TRHDE: variants seen among roughly 807,000 people sequenced by gnomAD.
TRHDE encodes thyrotropin-releasing hormone-degrading ectoenzyme.
In TRHDE, 72 loss-of-function variants were observed where a neutral mutation model predicts 125.7. The ratio of observed to expected loss-of-function variants is 0.57; its 90% CI spans 0.47 to 0.70. The LOEUF (loss-of-function observed/expected upper bound fraction) is 0.70. Among genes scored for constraint, TRHDE ranks in the 30% least tolerant of loss-of-function variants. TRHDE has a pLI of 0.00. For synonymous variants in TRHDE, 509 were observed against 509.1 expected (o/e 1.00, Z 0.00); for missense variants, 1,110 against 1,327.1 (o/e 0.84, Z 2.54).
At chr12:72,217,230 G>A (rs1465001790) in intron 2 of TRHDE, among the ~76,000 whole-genome samples, 1 of 152,112 alleles carries the variant, frequency 6.6e-6, no homozygotes, top group Admixed American at 6.6e-5. Context: ...GCCTAGTAAT[G>A]AACTTTGATT....
chr12:72,609,160 A>T (rs1872551766), intron 12 of TRHDE, among the ~76,000 whole-genome samples: 1 of 152,228 alleles, frequency 6.6e-6, no homozygotes, highest in Admixed American at 6.5e-5. Context: ...GACTAAAAAC[A>T]TGTACTCAGA....
At chr12:72,515,101 T>G (rs1878783012) in intron 6 of TRHDE, among the ~76,000 whole-genome samples, 1 of 130,482 alleles carries the variant, frequency 7.7e-6, no homozygotes, top group African/African-American at 3.3e-5. Flanking sequence ...TAAACATACG[T>G]GTGCATGTGT....
At chr12:72,152,657 G>A (rs543249196) in intron 2 of TRHDE, among the ~76,000 whole-genome samples, 2 of 152,274 alleles carry the variant, frequency 1.3e-5, no homozygotes, top group African/African-American at 4.8e-5. Flanking sequence ...AGATAATCAC[G>A]TGTTTTTTGT....
Position 72,562,942 on chromosome 12 carries a change from G to T in TRHDE, c.1944G>T (p.Leu648Phe). The stretch of plus-strand genomic sequence containing the variant: ...TGGGTTATCCTGTTATCACCATCTT[G>T]GGAAACACAACAGCAGAAAATAGAA... The part of the protein sequence containing the change: ...LQMGYPVITI[L>F]GNTTAENRII... The change falls in exon 9 of 19, where the codon TTG (leucine) becomes TTT (phenylalanine). Residue 648 changes from leucine to phenylalanine, a missense_variant. By Grantham distance (22) the Leu-to-Phe change is conservative. Transcript: ENST00000261180. 1 of 1,610,524 alleles carries T rather than the reference G, an allele frequency of 6.2e-7. No homozygotes were observed. Among genetic ancestry groups the T allele is most frequent in the Admixed American group, 1.7e-5 (1 of 59,304 alleles).
intron 2 of TRHDE, among the ~76,000 whole-genome samples, chr12:72,294,172 A>G (rs993728481): frequency 1.3e-5 from 2 of 152,108 alleles, no homozygotes; most frequent in African/African-American, 4.8e-5. Flanking sequence ...CTCTTTTCCC[A>G]CAACATGGCA....
chr12:72,393,908 TATATC>T (rs1182747948), intron 3 of TRHDE, among the ~76,000 whole-genome samples: 10 of 152,314 alleles, frequency 6.6e-5, no homozygotes, highest in Non-Finnish European at 1.3e-4. Context: ...TCATGGTTAA[TATATC>T]AATCCAACTC....
At chr12:72,422,961 T>C (rs1347929840) in intron 3 of TRHDE, among the ~76,000 whole-genome samples, 2 of 152,120 alleles carry the variant, frequency 1.3e-5, no homozygotes, top group African/African-American at 4.8e-5. Flanking sequence ...CCAATAAATT[T>C]ATATTCATTA....
At chr12:72,348,384 G>A (rs899957859) in intron 2 of TRHDE, among the ~76,000 whole-genome samples, 1 of 151,922 alleles carries the variant, frequency 6.6e-6, no homozygotes, top group African/African-American at 2.4e-5. Flanking sequence ...CACTGGTGAG[G>A]CAGTTAATCG....
chr12:72,098,143 A>G (rs1167247380), intron 1 of TRHDE, among the ~76,000 whole-genome samples: 2 of 152,074 alleles, frequency 1.3e-5, no homozygotes, highest in Non-Finnish European at 1.5e-5. Flanking sequence ...TCAGCCTTCC[A>G]AAGTGCTAGA....
intron 2 of TRHDE, among the ~76,000 whole-genome samples, chr12:72,148,234 G>C (rs182653059): frequency 7.9e-4 from 121 of 152,290 alleles, no homozygotes; most frequent in Middle Eastern, 3.4e-3. Context: ...TTGCATGAAG[G>C]TGAGACCCTC....
chr12:72,389,208 T>G (rs924880001), intron 3 of TRHDE, among the ~76,000 whole-genome samples: 2 of 152,114 alleles, frequency 1.3e-5, no homozygotes, highest in Admixed American at 6.6e-5. Context: ...AATGCATTGC[T>G]GAAGTGGTGA....
At chr12:72,430,438 C>T (rs1460066588) in intron 3 of TRHDE, among the ~76,000 whole-genome samples, 2 of 146,028 alleles carry the variant, frequency 1.4e-5, no homozygotes, top group African/African-American at 2.5e-5. Flanking sequence ...TATATATATA[C>T]ACACACGTAT....
chr12:72,524,348 C>G (rs1868297810), intron 6 of TRHDE, among the ~76,000 whole-genome samples: 1 of 152,108 alleles, frequency 6.6e-6, no homozygotes, highest in South Asian at 2.1e-4. Context: ...TCGTTCATAT[C>G]ATGTATGAGT....
At chr12:72,304,840 A>G (rs1052566984) in intron 2 of TRHDE, among the ~76,000 whole-genome samples, 4 of 152,166 alleles carry the variant, frequency 2.6e-5, no homozygotes, top group Non-Finnish European at 5.9e-5. Context: ...CCAGGCTATG[A>G]TTGACTTTTT....
At chr12:72,423,547 C>G (rs558378291) in intron 3 of TRHDE, among the ~76,000 whole-genome samples, 99 of 152,284 alleles carry the variant, frequency 6.5e-4, no homozygotes, top group African/African-American at 2.3e-3. Flanking sequence ...GGTGTTCTCT[C>G]CACAACACCT....
chr12:72,520,204 G>T (rs552585212), intron 6 of TRHDE, among the ~76,000 whole-genome samples: 75 of 152,340 alleles, frequency 4.9e-4, no homozygotes, highest in Admixed American at 1.4e-3. Context: ...GTTTACCTAA[G>T]CAAGCCTGGG....
chr12:72,498,677 A>C (rs531001679), intron 5 of TRHDE, among the ~76,000 whole-genome samples: 2 of 152,340 alleles, frequency 1.3e-5, no homozygotes, highest in African/African-American at 4.8e-5. Flanking sequence ...TAAAACAAAC[A>C]AACCAAAAAA....
rs36076979 is a variant in TRHDE at position 72,120,674 on chromosome 12, CTT to C, written n.279+14944_279+14945del. Among the ~76,000 whole-genome samples the C allele has an allele frequency of 9.4e-3, 1,117 of 118,648 alleles. 8 individuals carry two copies. The highest frequency in any genetic ancestry group is 0.035 in the African/African-American group (1,064 of 30,130). 77.8% of individuals were successfully genotyped at this position (118,648 alleles called of 152,430 possible). ...TTAACTTCATCCTCCTACTCTTTAA[CTT>C]TTTTTTTTTTTTTTTTTTTTTGAGA... On this transcript the variant is annotated intron_variant and non_coding_transcript_variant, in intron 2 of 4. Transcript: ENST00000548156.
chr12:72,367,916 G>A (rs1441338964), intron 2 of TRHDE, among the ~76,000 whole-genome samples: 1 of 152,144 alleles, frequency 6.6e-6, no homozygotes, highest in Admixed American at 6.6e-5. Flanking sequence ...AATAGCTCTG[G>A]CAAGTCAGAA....
Sources: gnomAD v4.1 joint callset for allele counts (sites outside exome capture counted in the v4.1 genomes callset) on GRCh38, gnomAD v4.1.1 for gene constraint, MANE v1.5 for transcripts, NCBI Gene and HGNC (gene_info 2026-07-23, HGNC 2026-07-21) for gene names.